The following ESRRG variants were observed in gnomAD, a reference collection of about 807,000 sequenced individuals.
ESRRG encodes estrogen-related receptor gamma.
A neutral mutation model predicts 44.0 loss-of-function variants in ESRRG; 13 were observed. That is an observed-to-expected ratio of 0.30 (90% CI 0.19 to 0.47). The LOEUF is 0.47. Among genes scored for constraint, ESRRG ranks in the 20% least tolerant of loss-of-function variants. The pLI is 1.00. For synonymous variants in ESRRG, 215 were observed against 214.6 expected, an observed-to-expected ratio of 1.00 and a Z score of -0.02; for missense variants, 395 against 580.6, an observed-to-expected ratio of 0.68 and a Z score of 3.29.
chr1:216,655,985 G>A (rs940785568), intron 2 of ESRRG, among the ~76,000 whole-genome samples: 13 of 152,038 alleles, frequency 8.6e-5, no homozygotes, highest in South Asian at 2.1e-4. Flanking sequence ...ACAATGTTAC[G>A]TCTATTTTGG....
rs371078835 is a variant in ESRRG, at chr1:216,617,976, G to A, written c.589+32997C>T. On this transcript the variant is annotated intron_variant, in intron 3 of 6. Coordinates refer to ENST00000408911, the MANE Select transcript of ESRRG (RefSeq NM_001438.4). Reference sequence around the variant, plus strand: ...AAGGTTGATGGCATGAATATTTTACGGTAATGCTTCAATATTAAAATCCCC... The same window carrying A: ...AAGGTTGATGGCATGAATATTTTACAGTAATGCTTCAATATTAAAATCCCC... Among the ~76,000 whole-genome samples, 227 of 152,074 alleles carry A rather than the reference G, an allele frequency of 1.5e-3. 4 individuals are homozygous for A. The highest frequency in any genetic ancestry group is 2.1e-3 in the South Asian group (10 of 4,816).
intron 3 of ESRRG, among the ~76,000 whole-genome samples, chr1:216,590,927 C>G (rs1018972558): frequency 5.9e-5 from 9 of 152,128 alleles, no homozygotes; most frequent in Admixed American, 5.9e-4. Flanking sequence ...GACCACAACC[C>G]TGCGATAAGG....
At chr1:216,785,230 A>T (rs1559629922) in intron 2 of ESRRG, among the ~76,000 whole-genome samples, 1 of 152,116 alleles carries the variant, frequency 6.6e-6, no homozygotes, top group East Asian at 1.9e-4. Context: ...TTTTATTACA[A>T]GTGCACACAG....
At chr1:217,130,714 T>A (rs915077543) in intron 1 of ESRRG, among the ~76,000 whole-genome samples, 1 of 152,342 alleles carries the variant, frequency 6.6e-6, no homozygotes, top group Admixed American at 6.5e-5. Context: ...AAGGGGGATA[T>A]AATTTTTCAG....
In ESRRG at chr1:217,041,091, A is replaced by C. The variant is rs191476612; in HGVS notation, c.-106+48416T>G. On this transcript the variant is annotated intron_variant, in intron 1 of 7. Coordinates refer to the ESRRG transcript ENST00000359162. ...TTTCCTGCTCCCCAATCTTAGTTTA[A>C]AATTCTCCACAGAGTGGGTGTAGAG... 9.6e-4 allele frequency among the ~76,000 whole-genome samples: 146 copies of C among 152,290 alleles called. 1 individual carries two copies. Among genetic ancestry groups the C allele is most frequent in the African/African-American group, 2.8e-3 (115 of 41,562 alleles).
intron 2 of ESRRG, among the ~76,000 whole-genome samples, chr1:216,915,217 C>T (rs2060994499): frequency 6.6e-6 from 1 of 152,108 alleles, no homozygotes; most frequent in African/African-American, 2.4e-5. Context: ...AAGCTTCTGG[C>T]TCACCACTGT....
chr1:216,620,087 C>T (rs2061984743), intron 3 of ESRRG, among the ~76,000 whole-genome samples: 1 of 152,070 alleles, frequency 6.6e-6, no homozygotes, highest in African/African-American at 2.4e-5. Context: ...GCCTTCCACA[C>T]TCTAATAGCA....
chr1:216,964,250 G>C (rs752685329), intron 1 of ESRRG, among the ~76,000 whole-genome samples: 2 of 152,142 alleles, frequency 1.3e-5, no homozygotes, highest in Non-Finnish European at 1.5e-5. Flanking sequence ...TAGGTGAAGA[G>C]AAAGTAAATC....
intron 2 of ESRRG, among the ~76,000 whole-genome samples, chr1:216,925,468 A>C (rs1190854675): frequency 1.3e-5 from 2 of 152,040 alleles, no homozygotes; most frequent in African/African-American, 4.8e-5. Flanking sequence ...AATGACAAAC[A>C]TGTTGAGACA....
At chr1:216,640,403 C>A (rs2066154033) in intron 3 of ESRRG, among the ~76,000 whole-genome samples, 1 of 151,874 alleles carries the variant, frequency 6.6e-6, no homozygotes. Context: ...CATTGATCAA[C>A]CTTGGCCAAG....
intron 3 of ESRRG, among the ~76,000 whole-genome samples, chr1:216,611,937 T>C (rs2060733224): frequency 6.6e-6 from 1 of 152,130 alleles, no homozygotes; most frequent in Non-Finnish European, 1.5e-5. Context: ...AAAAGCATGC[T>C]ATGAGCAGGC....
At chr1:216,983,515 A>ATTTTTT (rs2074338131) in intron 1 of ESRRG, among the ~76,000 whole-genome samples, 1 of 152,128 alleles carries the variant, frequency 6.6e-6, no homozygotes, top group African/African-American at 2.4e-5. Context: ...TACAAACGTG[A>ATTTTTT]TGTACTGATT....
chr1:216,691,389 A>G (rs1255280346), intron 1 of ESRRG, among the ~76,000 whole-genome samples: 1 of 152,180 alleles, frequency 6.6e-6, no homozygotes, highest in Non-Finnish European at 1.5e-5. Flanking sequence ...AGAGGCTACC[A>G]GGTAAGAAAA....
intron 1 of ESRRG, among the ~76,000 whole-genome samples, chr1:217,125,330 T>C (rs1304369292): frequency 6.6e-6 from 1 of 152,196 alleles, no homozygotes; most frequent in Non-Finnish European, 1.5e-5. Flanking sequence ...AAACATTACA[T>C]ACCATAGTCC....
intron 1 of ESRRG, chr1:217,000,535 T>A (rs2076896630): frequency 6.6e-6 from 1 of 152,194 alleles, no homozygotes; most frequent in African/African-American, 2.4e-5. Context: ...AGACCCTACT[T>A]CCGTAAAAGG....
At chr1:216,596,797 A>T (rs912305554) in intron 3 of ESRRG, among the ~76,000 whole-genome samples, 3 of 152,184 alleles carry the variant, frequency 2.0e-5, no homozygotes, top group Non-Finnish European at 4.4e-5. Flanking sequence ...ATATGTTTGC[A>T]TCTGTCTACA....
At chr1:217,131,138 T>C (rs1009563163) in intron 1 of ESRRG, among the ~76,000 whole-genome samples, 1 of 152,218 alleles carries the variant, frequency 6.6e-6, no homozygotes, top group Non-Finnish European at 1.5e-5. Context: ...TGAAAAGTTC[T>C]GAAAATAAGT....
At chr1:216,982,465 A>C (rs2074122669) in intron 1 of ESRRG, among the ~76,000 whole-genome samples, 1 of 152,000 alleles carries the variant, frequency 6.6e-6, no homozygotes. Flanking sequence ...TATATCCCTC[A>C]CCATTCCTCC....
rs577430239 is a variant in ESRRG, at chr1:216,944,800, T to A, written c.-105-5127A>T. On this transcript the variant is annotated intron_variant, in intron 1 of 7. Transcript: ENST00000359162. ...ATTGCTAATGACACCAAGAGTGAGG[T>A]AAAATGGAGATGCTTTTCTCTCTCT... 2.6e-5 allele frequency among the ~76,000 whole-genome samples: 4 copies of A among 152,000 alleles called. 1 individual carries two copies. The South Asian group carries it at 8.4e-4, about 32-fold the overall frequency.
Sources: allele counts gnomAD v4.1 joint callset (sites outside exome capture counted in the v4.1 genomes callset), GRCh38; gene constraint gnomAD v4.1.1; transcripts MANE v1.5; gene names NCBI Gene and HGNC (gene_info 2026-07-23, HGNC 2026-07-21).